PLPPR1: variants seen among roughly 807,000 people sequenced by gnomAD.
The protein encoded by PLPPR1 is phospholipid phosphatase related 1, also known as phospholipid phosphatase-related protein type 1.
Under a neutral mutation model 33.1 loss-of-function variants are expected in PLPPR1, and 10 were observed. That is an observed-to-expected ratio of 0.30 (90% CI 0.19 to 0.51). PLPPR1 has a LOEUF of 0.51. Among genes scored for constraint, PLPPR1 ranks in the 20% least tolerant of loss-of-function variants. The pLI, the probability that PLPPR1 is intolerant of heterozygous loss-of-function variation, is 0.97. For synonymous variants in PLPPR1, 151 were observed against 151.0 expected (o/e 1.00, Z 0.00); for missense variants, 304 against 408.1 (o/e 0.74, Z 2.20).
At chr9:101,178,758 G>A (rs557883479) in intron 1 of PLPPR1, among the ~76,000 whole-genome samples, 1 of 152,220 alleles carries the variant, frequency 6.6e-6, no homozygotes, top group African/African-American at 2.4e-5. Context: ...TGTATGCTCC[G>A]AATCAGTGTC....
chr9:101,147,390 T>G (rs891804425), intron 1 of PLPPR1, among the ~76,000 whole-genome samples: 2 of 152,230 alleles, frequency 1.3e-5, no homozygotes, highest in African/African-American at 4.8e-5. Flanking sequence ...TTTGAATTAC[T>G]CTGGGAATCA....
chr9:101,201,621 A>C (rs905387538), intron 2 of PLPPR1, among the ~76,000 whole-genome samples: 2 of 152,162 alleles, frequency 1.3e-5, no homozygotes, highest in Non-Finnish European at 2.9e-5. Context: ...AGTTAAATAG[A>C]GTTTTTAAGG....
intron 1 of PLPPR1, among the ~76,000 whole-genome samples, chr9:101,165,950 TCTTCGGCCACTTTAC>T (rs1177880171): frequency 5.9e-5 from 9 of 152,136 alleles, no homozygotes; most frequent in African/African-American, 2.2e-4. Context: ...ATCATAGGAG[TCTTCGGCCACTTTAC>T]CATATTCATT....
intron 2 of PLPPR1, among the ~76,000 whole-genome samples, chr9:101,195,902 T>C (rs982756746): frequency 2.0e-5 from 3 of 152,236 alleles, no homozygotes; most frequent in Admixed American, 1.3e-4. Flanking sequence ...CATTCTTGCC[T>C]TCCCTCATGG....
chr9:101,109,802 A>G (rs1375561171), intron 1 of PLPPR1, among the ~76,000 whole-genome samples: 3 of 152,136 alleles, frequency 2.0e-5, no homozygotes, highest in African/African-American at 7.2e-5. Flanking sequence ...GTACGACCTT[A>G]TATTTTAATA....
At chr9:101,056,498 T>C (rs1830279991) in intron 1 of PLPPR1, among the ~76,000 whole-genome samples, 4 of 152,224 alleles carry the variant, frequency 2.6e-5, no homozygotes, top group Non-Finnish European at 5.9e-5. Context: ...AGATTTATTA[T>C]AGCATGGGCT....
intron 2 of PLPPR1, 78 bp downstream of exon 2, chr9:101,185,635 A>C (rs568909287): frequency 2.3e-6 from 2 of 877,086 alleles, no homozygotes; most frequent in South Asian, 3.5e-5. Flanking sequence ...AGATTATTTT[A>C]TAAAATTAAT....
chr9:101,175,879 T>C (rs1479606493), intron 1 of PLPPR1, among the ~76,000 whole-genome samples: 1 of 152,148 alleles, frequency 6.6e-6, no homozygotes, highest in Non-Finnish European at 1.5e-5. Flanking sequence ...CTTTTCCCTA[T>C]TCCTTTCACT....
At chr9:101,309,552 A>G in intron 5 of PLPPR1, 91 bp downstream of exon 5, 1 of 1,399,200 alleles carries the variant, frequency 7.1e-7, no homozygotes, top group East Asian at 2.3e-5. Context: ...TGTCACTTAT[A>G]GCGACTCTTA....
intron 7 of PLPPR1, among the ~76,000 whole-genome samples, chr9:101,323,824 T>C (rs1400130098): frequency 6.6e-6 from 1 of 151,962 alleles, no homozygotes; most frequent in Admixed American, 6.6e-5. Flanking sequence ...GGGCAACAAT[T>C]GTGAAACTCC....
chr9:101,129,954 G>A (rs192223307), intron 1 of PLPPR1, among the ~76,000 whole-genome samples: 10 of 152,186 alleles, frequency 6.6e-5, no homozygotes, highest in Admixed American at 3.3e-4. Context: ...TTCCATTTAC[G>A]TAAAATTCTA....
chr9:101,278,942 A>G (rs536586959), intron 3 of PLPPR1, among the ~76,000 whole-genome samples: 1 of 152,358 alleles, frequency 6.6e-6, no homozygotes, highest in Non-Finnish European at 1.5e-5. Context: ...TGGACTGTTG[A>G]AGAGCTTTTC....
At chr9:101,242,789 G>A (rs1827500815) in intron 2 of PLPPR1, among the ~76,000 whole-genome samples, 1 of 151,988 alleles carries the variant, frequency 6.6e-6, no homozygotes, top group Non-Finnish European at 1.5e-5. Context: ...ACTGTGTACT[G>A]GTAACTATAA....
At chr9:101,303,702 A>G (rs1828794859) in intron 4 of PLPPR1, among the ~76,000 whole-genome samples, 1 of 152,224 alleles carries the variant, frequency 6.6e-6, no homozygotes, top group South Asian at 2.1e-4. Context: ...GTAGCTTTTC[A>G]ACATAGATGC....
intron 2 of PLPPR1, among the ~76,000 whole-genome samples, chr9:101,197,135 C>T (rs765846796): frequency 2.6e-5 from 4 of 152,134 alleles, no homozygotes; most frequent in Non-Finnish European, 2.9e-5. Flanking sequence ...ATGAAGCAGT[C>T]TCTTGCCTTG....
chr9:101,048,520 C>T (rs2118437775), intron 1 of PLPPR1, among the ~76,000 whole-genome samples: 1 of 152,156 alleles, frequency 6.6e-6, no homozygotes, highest in East Asian at 1.9e-4. Context: ...GGTTGTAAGG[C>T]TAACCTGGAG....
chr9:101,280,767 T>G (rs1168813828), intron 3 of PLPPR1, among the ~76,000 whole-genome samples: 1 of 152,086 alleles, frequency 6.6e-6, no homozygotes, highest in East Asian at 1.9e-4. Flanking sequence ...AGAAGGAACA[T>G]ACCTCAACAC....
intron 2 of PLPPR1, among the ~76,000 whole-genome samples, chr9:101,256,811 G>T (rs1827811746): frequency 6.6e-6 from 1 of 152,052 alleles, no homozygotes; most frequent in Non-Finnish European, 1.5e-5. Flanking sequence ...ATGGTTCAAT[G>T]ATCAAGAACA....
intron 1 of PLPPR1, among the ~76,000 whole-genome samples, chr9:101,143,011 T>G (rs548353563): frequency 6.6e-6 from 1 of 152,296 alleles, no homozygotes; most frequent in South Asian, 2.1e-4. Context: ...ATTTTTTTTT[T>G]TCTCTTGTAA....
Sources: gnomAD v4.1 joint callset for allele counts (sites outside exome capture counted in the v4.1 genomes callset) on GRCh38, gnomAD v4.1.1 for gene constraint, MANE v1.5 for transcripts, NCBI Gene and HGNC (gene_info 2026-07-23, HGNC 2026-07-21) for gene names.